The following DSE variants were observed in gnomAD, a reference collection of about 807,000 sequenced individuals.
The protein encoded by DSE is dermatan sulfate epimerase, also known as dermatan-sulfate epimerase.
A neutral mutation model predicts 84.4 loss-of-function variants in DSE; 36 were observed. The ratio of observed to expected loss-of-function variants is 0.43; its 90% CI spans 0.33 to 0.56. The LOEUF is 0.56. DSE is among the 20% of genes least tolerant of loss of function. The pLI, the probability that DSE is intolerant of heterozygous loss-of-function variation, is 0.06. For synonymous variants in DSE, 410 were observed against 430.1 expected, an observed-to-expected ratio of 0.95 and a Z score of 0.58; for missense variants, 862 against 1,169.6, an observed-to-expected ratio of 0.74 and a Z score of 3.84.
intron 1 of DSE, among the ~76,000 whole-genome samples, chr6:116,381,277 T>A (rs1321492996): frequency 6.6e-6 from 1 of 151,852 alleles, no homozygotes; most frequent in Non-Finnish European, 1.5e-5. Context: ...GAAATGTGAG[T>A]CATGCTCAAG....
At chr6:116,293,264 C>CCTTTT (rs1373035024) in intron 2 of DSE, among the ~76,000 whole-genome samples, 1 of 147,688 alleles carries the variant, frequency 6.8e-6, no homozygotes, top group Non-Finnish European at 1.5e-5. Context: ...AAAGGTTTTT[C>CCTTTT]CTTTTCTTTT....
intron 2 of DSE, among the ~76,000 whole-genome samples, chr6:116,407,336 TG>T (rs1016356233): frequency 1.3e-5 from 2 of 152,194 alleles, no homozygotes; most frequent in African/African-American, 4.8e-5. Flanking sequence ...GAGTGGTTTG[TG>T]GGAGAGAAAA....
Position 116,370,993 on chromosome 6 carries a change from G to A in DSE, c.-182G>A. ...AGCAGCGCATCCCGGGGCATGGCGC[G>A]GCGGGGGCGCGGAGGGCTCGGTTCG... On this transcript the variant is annotated 5_prime_UTR_variant, in exon 1 of 6. Coordinates refer to ENST00000644252, the MANE Select transcript of DSE (RefSeq NM_013352.4). 2.0e-6 allele frequency: 2 copies of A among 985,594 alleles called. No individual in the cohort carries two copies. The highest frequency in any genetic ancestry group is 2.4e-6 in the Non-Finnish European group (2 of 830,132). 61.1% of individuals were successfully genotyped at this position (985,594 alleles called of 1,614,324 possible).
chr6:116,395,646 TGTG>T (rs1781208002), intron 1 of DSE, among the ~76,000 whole-genome samples: 2 of 152,228 alleles, frequency 1.3e-5, no homozygotes, highest in South Asian at 2.1e-4. Flanking sequence ...TCAGGTTTGA[TGTG>T]GTATAGTTTT....
intron 2 of DSE, among the ~76,000 whole-genome samples, chr6:116,351,226 T>G (rs1778292216): frequency 6.6e-6 from 1 of 152,192 alleles, no homozygotes; most frequent in African/African-American, 2.4e-5. Context: ...CTCATGAATC[T>G]ACAGTCTTGA....
intron 2 of DSE, among the ~76,000 whole-genome samples, chr6:116,335,909 A>C (rs1386010598): frequency 6.6e-6 from 1 of 152,210 alleles, no homozygotes; most frequent in Non-Finnish European, 1.5e-5. Context: ...CAGCTTCCTT[A>C]AAGTTCAGTT....
chr6:116,336,718 G>A (rs1010036544), intron 2 of DSE, among the ~76,000 whole-genome samples: 1 of 147,564 alleles, frequency 6.8e-6, no homozygotes, highest in African/African-American at 2.5e-5. Flanking sequence ...TCATGCCATT[G>A]CACTCCAGCC....
chr6:116,344,271 G>A (rs1385384361), intron 2 of DSE, among the ~76,000 whole-genome samples: 1 of 152,114 alleles, frequency 6.6e-6, no homozygotes, highest in Admixed American at 6.6e-5. Context: ...TCAAATTCAG[G>A]CAATACGGAG....
intron 2 of DSE, among the ~76,000 whole-genome samples, chr6:116,424,625 A>G (rs925960779): frequency 2.0e-5 from 3 of 152,338 alleles, no homozygotes; most frequent in Non-Finnish European, 4.4e-5. Flanking sequence ...TGGGGATCCA[A>G]TTGCGAATAC....
At chr6:116,390,269 A>G (rs1194824237) in intron 1 of DSE, among the ~76,000 whole-genome samples, 1 of 152,014 alleles carries the variant, frequency 6.6e-6, no homozygotes, top group African/African-American at 2.4e-5. Flanking sequence ...GGGTTTCACC[A>G]TGTTGCCCAG....
chr6:116,415,535 CTTT>C (rs1291702303), intron 2 of DSE, among the ~76,000 whole-genome samples: 14 of 139,902 alleles, frequency 1.0e-4, no homozygotes, highest in African/African-American at 3.8e-4. Context: ...CCCCTTTTTT[CTTT>C]TTTCTTTCTT....
chr6:116,421,464 T>TATATATATATATATATATATA (rs57759351), intron 2 of DSE, among the ~76,000 whole-genome samples: 6 of 39,838 alleles, frequency 1.5e-4, no homozygotes, highest in African/African-American at 6.9e-4. Context: ...TATATATATA[T>TATATATATATATATATATATA]TTTTTTTTTT....
intron 2 of DSE, among the ~76,000 whole-genome samples, chr6:116,309,434 G>T (rs1352332397): frequency 6.6e-6 from 1 of 151,990 alleles, no homozygotes; most frequent in Non-Finnish European, 1.5e-5. Flanking sequence ...TAACTATGAT[G>T]GTATTAACTT....
intron 2 of DSE, among the ~76,000 whole-genome samples, chr6:116,353,291 G>A (rs1778409283): frequency 6.6e-6 from 1 of 152,144 alleles, no homozygotes; most frequent in African/African-American, 2.4e-5. Context: ...TGAAAAGACT[G>A]CTAAGGGGGA....
intron 2 of DSE, among the ~76,000 whole-genome samples, chr6:116,330,862 A>T (rs955875398): frequency 1.3e-5 from 2 of 152,190 alleles, no homozygotes; most frequent in African/African-American, 4.8e-5. Flanking sequence ...ATTGCAGGCA[A>T]CCTCAATCAT....
At chr6:116,315,767 C>T (rs529551132) in intron 2 of DSE, among the ~76,000 whole-genome samples, 4 of 152,186 alleles carry the variant, frequency 2.6e-5, no homozygotes, top group East Asian at 1.9e-4. Flanking sequence ...TTTGGGAGGA[C>T]GAGGCAGGCA....
intron 2 of DSE, among the ~76,000 whole-genome samples, chr6:116,268,958 C>A (rs900879666): frequency 6.8e-6 from 1 of 147,836 alleles, no homozygotes; most frequent in Non-Finnish European, 1.5e-5. Flanking sequence ...ATCACTGTTA[C>A]AAAAGTAATA....
intron 1 of DSE, among the ~76,000 whole-genome samples, chr6:116,395,037 A>T (rs1781150819): frequency 6.6e-6 from 1 of 152,272 alleles, no homozygotes; most frequent in South Asian, 2.1e-4. Flanking sequence ...TTGAGAGATC[A>T]TGCACAAACA....
At chr6:116,281,756 G>T (rs1773556788) in intron 2 of DSE, among the ~76,000 whole-genome samples, 1 of 152,204 alleles carries the variant, frequency 6.6e-6, no homozygotes, top group Non-Finnish European at 1.5e-5. Context: ...AAATAAAGGA[G>T]CAAATGAGCA....
Sources: gnomAD v4.1 joint callset for allele counts (sites outside exome capture counted in the v4.1 genomes callset) on GRCh38, gnomAD v4.1.1 for gene constraint, MANE v1.5 for transcripts, NCBI Gene and HGNC (gene_info 2026-07-23, HGNC 2026-07-21) for gene names.